Variants in SYNDIG1 observed in about 807,000 individuals in gnomAD.
SYNDIG1 encodes synapse differentiation-inducing gene protein 1.
Under a neutral mutation model 19.4 loss-of-function variants are expected in SYNDIG1, and 9 were observed. The observed-to-expected ratio is 0.46, with a 90% confidence interval of 0.28 to 0.81. SYNDIG1 has a LOEUF of 0.81. Among genes scored for constraint, SYNDIG1 ranks in the 30% least tolerant of loss-of-function variants. The probability of loss-of-function intolerance (pLI) is 0.12; values close to 1 mark genes in which losing one functional copy is unlikely to be tolerated. For synonymous variants in SYNDIG1, 141 were observed against 145.9 expected, an observed-to-expected ratio of 0.97 and a Z score of 0.24; for missense variants, 311 against 343.3, an observed-to-expected ratio of 0.91 and a Z score of 0.74.
intron 1 of SYNDIG1, among the ~76,000 whole-genome samples, chr20:24,531,240 C>T (rs368845775): frequency 6.6e-6 from 1 of 152,110 alleles, no homozygotes; most frequent in Non-Finnish European, 1.5e-5. Flanking sequence ...AATCGGCATT[C>T]GAGTTTTCTA....
rs2059557212 is a variant in SYNDIG1, at chr20:24,658,950, G to A, written c.619-6396G>A. 6.6e-6 allele frequency among the ~76,000 whole-genome samples: 1 copy of A among 152,152 alleles called. No homozygotes were observed. Among genetic ancestry groups the A allele is most frequent in the South Asian group, 2.1e-4 (1 of 4,822 alleles). On this transcript the variant is annotated intron_variant, in intron 3 of 3. Coordinates refer to ENST00000376862, the MANE Select transcript of SYNDIG1 (RefSeq NM_024893.3). The surrounding 1 kb of genome is among the most constrained non-coding windows in gnomAD (Gnocchi z 4.4). Reference sequence around the variant, plus strand: ...ACGCAGCAAGTGGCACAGCCGAGCAGCATCTCCATCCCCAGGAGCTTCTGC... The same window carrying A: ...ACGCAGCAAGTGGCACAGCCGAGCAACATCTCCATCCCCAGGAGCTTCTGC...
At chr20:24,521,297 T>C (rs1215399802) in intron 1 of SYNDIG1, among the ~76,000 whole-genome samples, 1 of 152,232 alleles carries the variant, frequency 6.6e-6, no homozygotes, top group Non-Finnish European at 1.5e-5. Context: ...CAAATCTGTG[T>C]TGGAGTCACT....
At chr20:24,580,975 T>C (rs893662568) in intron 2 of SYNDIG1, among the ~76,000 whole-genome samples, 7 of 152,144 alleles carry the variant, frequency 4.6e-5, no homozygotes, top group Admixed American at 6.5e-5. Flanking sequence ...CGGGAAAACC[T>C]CACTGTTGCC....
chr20:24,502,980 A>G (rs1000344373), intron 1 of SYNDIG1, among the ~76,000 whole-genome samples: 1 of 152,248 alleles, frequency 6.6e-6, no homozygotes, highest in African/African-American at 2.4e-5. Flanking sequence ...AATTATGTTC[A>G]GTGATCATTC....
chr20:24,525,038 A>G (rs936698432), intron 1 of SYNDIG1, among the ~76,000 whole-genome samples: 4 of 152,300 alleles, frequency 2.6e-5, no homozygotes, highest in African/African-American at 9.6e-5. Context: ...ATTTAAGGCT[A>G]CATATTTCCC....
At chr20:24,609,368 G>A (rs2058811854) in intron 3 of SYNDIG1, among the ~76,000 whole-genome samples, 1 of 152,214 alleles carries the variant, frequency 6.6e-6, no homozygotes, top group South Asian at 2.1e-4. Flanking sequence ...CTTCCTTTTA[G>A]ACGGGGCACT....
intron 3 of SYNDIG1, among the ~76,000 whole-genome samples, chr20:24,634,509 A>C (rs563650090): frequency 6.6e-6 from 1 of 152,330 alleles, no homozygotes; most frequent in East Asian, 1.9e-4. Flanking sequence ...ACAAAATGTG[A>C]ATGCCTGTCT....
intron 1 of SYNDIG1, among the ~76,000 whole-genome samples, chr20:24,494,019 G>A (rs1182179935): frequency 1.3e-5 from 2 of 152,244 alleles, no homozygotes; most frequent in East Asian, 3.9e-4. Flanking sequence ...CCCTGGCTCT[G>A]GCAGCTCGGC....
At chr20:24,587,268 T>TTTCCC (rs1052624529) in intron 3 of SYNDIG1, among the ~76,000 whole-genome samples, 2 of 152,182 alleles carry the variant, frequency 1.3e-5, no homozygotes, top group African/African-American at 4.8e-5. Flanking sequence ...TGAGAATGTA[T>TTTCCC]TTCCCTGTGG....
At chr20:24,602,493 T>C (rs951568964) in intron 3 of SYNDIG1, among the ~76,000 whole-genome samples, 6 of 152,298 alleles carry the variant, frequency 3.9e-5, no homozygotes, top group African/African-American at 1.4e-4. Flanking sequence ...CTATGGCTGG[T>C]TTACAGGATC....
intron 2 of SYNDIG1, among the ~76,000 whole-genome samples, chr20:24,582,969 T>TG (rs1295221485): frequency 1.3e-5 from 2 of 152,026 alleles, no homozygotes; most frequent in Admixed American, 1.3e-4. Context: ...GCAGGCTTGT[T>TG]GGGGGGCGAG....
At chr20:24,522,285 C>G (rs1433931458) in intron 1 of SYNDIG1, among the ~76,000 whole-genome samples, 1 of 152,040 alleles carries the variant, frequency 6.6e-6, no homozygotes, top group Non-Finnish European at 1.5e-5. Context: ...GAGATGGGGT[C>G]TCATTGTGTT....
At chr20:24,657,923 C>T (rs1306364893) in intron 3 of SYNDIG1, among the ~76,000 whole-genome samples, 5 of 152,178 alleles carry the variant, frequency 3.3e-5, no homozygotes, top group African/African-American at 1.2e-4. Flanking sequence ...TGGTGGAATA[C>T]ATTTCCAGAT....
intron 3 of SYNDIG1, among the ~76,000 whole-genome samples, chr20:24,640,473 A>AAGGAAG (rs2059363439): frequency 3.0e-5 from 3 of 100,574 alleles, no homozygotes; most frequent in African/African-American, 1.3e-4. Context: ...AGGGAGGGAA[A>AAGGAAG]GAAGGAAGGA....
chr20:24,572,534 G>A (rs939401556), intron 2 of SYNDIG1, among the ~76,000 whole-genome samples: 4 of 152,226 alleles, frequency 2.6e-5, no homozygotes, highest in Non-Finnish European at 4.4e-5. Context: ...GACTGGTCAG[G>A]TGGGAGACCC....
intron 2 of SYNDIG1, among the ~76,000 whole-genome samples, chr20:24,574,694 AG>A (rs1159770574): frequency 2.0e-5 from 3 of 152,170 alleles, no homozygotes; most frequent in Non-Finnish European, 2.9e-5. Context: ...CAATTAATGC[AG>A]GAATATGGAA....
At chr20:24,618,347 C>A (rs2058981027) in intron 3 of SYNDIG1, among the ~76,000 whole-genome samples, 1 of 143,788 alleles carries the variant, frequency 7.0e-6, no homozygotes, top group South Asian at 2.3e-4. Flanking sequence ...GCGAGGAGAT[C>A]CCGGGGAGGG....
intron 1 of SYNDIG1, among the ~76,000 whole-genome samples, chr20:24,535,522 A>G (rs1352875371): frequency 1.3e-5 from 2 of 152,254 alleles, no homozygotes; most frequent in African/African-American, 2.4e-5. Flanking sequence ...TCTCTAAAAG[A>G]AAAGATGTTT....
At chr20:24,486,714 C>T (rs1326766011) in intron 1 of SYNDIG1, among the ~76,000 whole-genome samples, 6 of 151,242 alleles carry the variant, frequency 4.0e-5, no homozygotes, top group Admixed American at 3.3e-4. Context: ...GCTGGAGTGC[C>T]GTGGTGCCAT....
Sources: gnomAD v4.1 joint callset for allele counts (sites outside exome capture counted in the v4.1 genomes callset) on GRCh38, gnomAD v4.1.1 for gene constraint, Gnocchi (gnomAD v3.1) non-coding constraint, MANE v1.5 for transcripts, NCBI Gene and HGNC (gene_info 2026-07-23, HGNC 2026-07-21) for gene names.